BNC2: variants seen among roughly 807,000 people sequenced by gnomAD.
BNC2 encodes the protein zinc finger protein basonuclin-2.
In BNC2, 20 loss-of-function variants were observed where a neutral mutation model predicts 76.3. The ratio of observed to expected loss-of-function variants is 0.26; its 90% CI spans 0.18 to 0.38. BNC2 has a LOEUF of 0.38. Among genes scored for constraint, BNC2 ranks in the 10% least tolerant of loss-of-function variants. The pLI is 1.00. For missense variants in BNC2, 1,382 were observed against 1,399.8 expected, an observed-to-expected ratio of 0.99 and a Z score of 0.20; for synonymous variants, 582 against 514.8, an observed-to-expected ratio of 1.13 and a Z score of -1.77.
intron 3 of BNC2, chr9:16,727,388 T>G (rs1289516215): frequency 1.0e-5 from 2 of 190,730 alleles, no homozygotes; most frequent in South Asian, 1.0e-4. Flanking sequence ...TTGATGACTG[T>G]TTTTTAGGTT....
intron 5 of BNC2, among the ~76,000 whole-genome samples, chr9:16,474,006 A>G (rs905353583): frequency 6.6e-6 from 1 of 152,254 alleles, no homozygotes; most frequent in African/African-American, 2.4e-5. Context: ...GCTTGTCTAA[A>G]TAACTTTTCA....
intron 5 of BNC2, among the ~76,000 whole-genome samples, chr9:16,479,985 T>C (rs1484451984): frequency 1.3e-5 from 2 of 152,230 alleles, no homozygotes; most frequent in Non-Finnish European, 2.9e-5. Flanking sequence ...TATCATAAAA[T>C]AAGTATAGCA....
intron 4 of BNC2, among the ~76,000 whole-genome samples, chr9:16,560,132 C>T (rs1395257772): frequency 6.6e-6 from 1 of 152,186 alleles, no homozygotes; most frequent in Non-Finnish European, 1.5e-5. Context: ...CCCAGAGTTT[C>T]TGATTCACTG....
At chr9:16,464,723 A>C (rs1174694328) in intron 5 of BNC2, among the ~76,000 whole-genome samples, 1 of 152,094 alleles carries the variant, frequency 6.6e-6, no homozygotes, top group Non-Finnish European at 1.5e-5. Flanking sequence ...CGCCTGGCTA[A>C]TTTTTGTATT....
chr9:16,744,093 A>C (rs1045765177), intron 1 of BNC2, among the ~76,000 whole-genome samples: 7 of 152,086 alleles, frequency 4.6e-5, no homozygotes, highest in Non-Finnish European at 8.8e-5. Context: ...CAGCCTCCCG[A>C]GTAGCTAGGA....
chr9:16,511,678 C>G (rs1019046203), intron 5 of BNC2, among the ~76,000 whole-genome samples: 1 of 152,010 alleles, frequency 6.6e-6, no homozygotes, highest in Non-Finnish European at 1.5e-5. Context: ...ATCCATGGGC[C>G]TCAGCCCCCC....
At chr9:16,654,382 G>A (rs556521244) in intron 3 of BNC2, among the ~76,000 whole-genome samples, 2 of 152,126 alleles carry the variant, frequency 1.3e-5, no homozygotes, top group Non-Finnish European at 2.9e-5. Flanking sequence ...ATGTACGTAA[G>A]TTGTGCTAAT....
intron 3 of BNC2, among the ~76,000 whole-genome samples, chr9:16,676,823 T>A (rs551374392): frequency 9.9e-5 from 15 of 152,258 alleles, no homozygotes; most frequent in African/African-American, 3.4e-4. Flanking sequence ...TCATGAACTG[T>A]TTTTTTCCCT....
intron 1 of BNC2, among the ~76,000 whole-genome samples, chr9:16,787,041 G>A (rs10962592): frequency 0.096 from 14,570 of 152,210 alleles, 855 homozygotes; most frequent in Admixed American, 0.19. Flanking sequence ...GAGGGGACAG[G>A]AAGAGAGCCA....
chr9:16,679,369 C>T (rs1383716785), intron 3 of BNC2, among the ~76,000 whole-genome samples: 2 of 152,168 alleles, frequency 1.3e-5, no homozygotes, highest in Admixed American at 6.5e-5. Flanking sequence ...TGGTTCAACA[C>T]GATGTCATCG....
intron 5 of BNC2, among the ~76,000 whole-genome samples, chr9:16,515,786 CAT>C (rs1299127922): frequency 6.7e-6 from 1 of 148,476 alleles, no homozygotes; most frequent in Non-Finnish European, 1.5e-5. Flanking sequence ...AAATCATAAC[CAT>C]ATGACTTTCA....
chr9:16,486,722 C>T (rs924211968), intron 5 of BNC2, among the ~76,000 whole-genome samples: 1 of 151,812 alleles, frequency 6.6e-6, no homozygotes, highest in Non-Finnish European at 1.5e-5. Context: ...GGGAGATTCA[C>T]AGACAATTTT....
At chr9:16,517,755 G>C (rs529771670) in intron 5 of BNC2, among the ~76,000 whole-genome samples, 64 of 152,096 alleles carry the variant, frequency 4.2e-4, no homozygotes, top group African/African-American at 1.5e-3. Flanking sequence ...TATGCCTGGG[G>C]TGTTTATATA....
chr9:16,441,257 T>C (rs1013861210), intron 5 of BNC2, among the ~76,000 whole-genome samples: 2 of 152,194 alleles, frequency 1.3e-5, no homozygotes, highest in Non-Finnish European at 1.5e-5. Context: ...TGAGCCATGA[T>C]AGTGCCACTG....
chr9:16,699,943 G>A lies in BNC2; in HGVS notation c.330+27854C>T, dbSNP rs535939003. Among the ~76,000 whole-genome samples, 10 of 152,168 alleles carry A rather than the reference G, an allele frequency of 6.6e-5. No individual in the cohort carries two copies. The East Asian group carries it at 1.9e-3, about 29-fold the overall frequency. On this transcript the variant is annotated intron_variant, in intron 3 of 6. Coordinates refer to ENST00000380672, the MANE Select transcript of BNC2 (RefSeq NM_017637.6). ...ATAAAGATATTACAGAATTATCATG[G>A]CAGTTAATTTGTTTTACAAGCAATT...
chr9:16,738,781 T>C (rs541411326), intron 1 of BNC2, among the ~76,000 whole-genome samples: 10 of 152,026 alleles, frequency 6.6e-5, no homozygotes, highest in Non-Finnish European at 1.5e-4. Flanking sequence ...TATGACACTT[T>C]TAACTGCTGT....
At chr9:16,694,580 G>A (rs951325280) in intron 3 of BNC2, among the ~76,000 whole-genome samples, 1 of 152,128 alleles carries the variant, frequency 6.6e-6, no homozygotes, top group Non-Finnish European at 1.5e-5. Flanking sequence ...TCTAAACAGG[G>A]GAGCCAGGGG....
chr9:16,690,208 G>A (rs1823114842), intron 3 of BNC2, among the ~76,000 whole-genome samples: 1 of 152,106 alleles, frequency 6.6e-6, no homozygotes, highest in African/African-American at 2.4e-5. Flanking sequence ...TCAAAACAGA[G>A]TCAAATTGGA....
intron 5 of BNC2, among the ~76,000 whole-genome samples, chr9:16,548,026 A>G (rs1043258690): frequency 2.0e-5 from 3 of 152,166 alleles, no homozygotes; most frequent in African/African-American, 7.2e-5. Flanking sequence ...TGCTGGTAAG[A>G]CACAGAAGAG....
Sources: allele counts gnomAD v4.1 joint callset (sites outside exome capture counted in the v4.1 genomes callset), GRCh38; gene constraint gnomAD v4.1.1; transcripts MANE v1.5; gene names NCBI Gene and HGNC (gene_info 2026-07-23, HGNC 2026-07-21).